The following PRUNE2 variants were observed in gnomAD, a reference collection of about 807,000 sequenced individuals.
PRUNE2 encodes prune homolog 2 with BCH domain.
In PRUNE2, 164 loss-of-function variants were observed where a neutral mutation model predicts 252.0. That is an observed-to-expected ratio of 0.65 (90% confidence interval 0.57 to 0.74). The LOEUF is 0.74. Ranked by LOEUF, PRUNE2 falls within the 30% of genes least tolerant of loss-of-function variation. PRUNE2 has a pLI of 0.00. For missense variants in PRUNE2, 3,495 were observed against 3,711.0 expected, an observed-to-expected ratio of 0.94 and a Z score of 1.51; for synonymous variants, 1,292 against 1,350.2, an observed-to-expected ratio of 0.96 and a Z score of 0.94.
intron 3 of PRUNE2, among the ~76,000 whole-genome samples, chr9:76,847,330 A>G (rs1001422613): frequency 3.7e-5 from 5 of 136,286 alleles, no homozygotes; most frequent in Middle Eastern, 3.9e-3. Flanking sequence ...TGTCTCAGGG[A>G]AAAAAAAAAA....
At position 76,644,859 on chromosome 9, in the gene PRUNE2, A is replaced by T; in HGVS notation, c.8608T>A (p.Tyr2870Asn). 6.2e-7 allele frequency: 1 copy of T among 1,613,826 alleles called. No individual in the cohort carries two copies. Among genetic ancestry groups the T allele is most frequent in the African/African-American group, 1.3e-5 (1 of 74,996 alleles). ...TCCTCCCGTTCCTCTTCGGCCGTATATTCTGGAATAGACTCTGACTCTTGG... is the reference window on the plus strand; with the variant it reads ...TCCTCCCGTTCCTCTTCGGCCGTATTTTCTGGAATAGACTCTGACTCTTGG... ...SGQESESIPE[Y>N]TAEEEREDNR... Residue 2870 changes from tyrosine to asparagine, a missense_variant, in exon 12 of 19, where the codon TAT (tyrosine) becomes AAT (asparagine). Coordinates refer to ENST00000376718, the MANE Select transcript of PRUNE2 (RefSeq NM_015225.3).
chr9:76,652,578 G>A lies in PRUNE2; in HGVS notation c.8462C>T (p.Ser2821Phe), dbSNP rs1206898432. The change falls in exon 11 of 19, where the codon TCT becomes TTT. Residue 2821 changes from serine to phenylalanine, a missense_variant. Transcript: ENST00000376718. ...ATCTGGACTGTCCAAGTTATCATCA[G>A]AGAGAATAGATCCTTCACTTTGGTC... ...SLDQSEGSIL[S>F]DDNLDSPDEI... The A allele has an allele frequency of 6.2e-7, 1 of 1,612,716 alleles. No individual in the cohort carries two copies. The highest frequency in any genetic ancestry group is 1.1e-5 in the South Asian group (1 of 91,052).
intron 14 of PRUNE2, 43 bp downstream of exon 14, chr9:76,637,375 T>A (rs1564401950): frequency 6.2e-7 from 1 of 1,604,936 alleles, no homozygotes; most frequent in Middle Eastern, 1.7e-4. Flanking sequence ...AGTCTTCAGT[T>A]TACCAAAATC....
At chr9:76,722,739 T>C (rs770783081) in intron 6 of PRUNE2, among the ~76,000 whole-genome samples, 3 of 152,198 alleles carry the variant, frequency 2.0e-5, no homozygotes, top group Non-Finnish European at 4.4e-5. Flanking sequence ...CTGTTTTGCA[T>C]TGAGAAAATG....
rs867246253 is a variant in PRUNE2 at position 76,652,386 on chromosome 9, C to T, written c.8557+97G>A. On this transcript the variant is annotated intron_variant, in intron 11 of 18. Transcript: ENST00000376718. Reference sequence around the variant, plus strand: ...AATAAAAACAGAAGCTTCTAGAAATCACAAAAAGGATCCACTGGCACAAAA... The same window carrying T: ...AATAAAAACAGAAGCTTCTAGAAATTACAAAAAGGATCCACTGGCACAAAA... The T allele has an allele frequency of 3.8e-5, 31 of 820,860 alleles. 2 individuals carry two copies. The Middle Eastern group carries it at 7.0e-4, about 19-fold the overall frequency. The allele number at this position is 820,860 out of a possible 1,614,324, so 50.8% of individuals were successfully genotyped here.
At chr9:76,624,682 C>T (rs1833906095) in intron 16 of PRUNE2, among the ~76,000 whole-genome samples, 192 bp from the exon 17 acceptor site, 1 of 152,200 alleles carries the variant, frequency 6.6e-6, no homozygotes, top group African/African-American at 2.4e-5. Context: ...TGTTTATGTA[C>T]ATTTACTTTG....
At chr9:76,815,755 C>T (rs1233459962) in intron 6 of PRUNE2, among the ~76,000 whole-genome samples, 1 of 152,046 alleles carries the variant, frequency 6.6e-6, no homozygotes, top group Non-Finnish European at 1.5e-5. Flanking sequence ...CTAGATAGAC[C>T]AAGTTTTGTG....
chr9:76,741,926 T>C (rs900702180), intron 6 of PRUNE2, among the ~76,000 whole-genome samples: 4 of 152,244 alleles, frequency 2.6e-5, no homozygotes, highest in African/African-American at 9.6e-5. Flanking sequence ...ACAACATATA[T>C]GACAGGTTGG....
intron 1 of PRUNE2, among the ~76,000 whole-genome samples, chr9:76,863,857 G>A (rs1164298000): frequency 1.3e-5 from 2 of 152,184 alleles, no homozygotes; most frequent in Admixed American, 1.3e-4. Flanking sequence ...ATGTAAATTA[G>A]TTCAGCCACT....
intron 3 of PRUNE2, among the ~76,000 whole-genome samples, chr9:76,848,755 C>T (rs373002455): frequency 6.6e-6 from 1 of 152,208 alleles, no homozygotes; most frequent in South Asian, 2.1e-4. Flanking sequence ...GAGAATTTGT[C>T]TTATTCCTCC....
chr9:76,854,082 G>T, intron 2 of PRUNE2, 22 bp downstream of exon 2: 1 of 1,181,080 alleles, frequency 8.5e-7, no homozygotes, highest in Non-Finnish European at 1.3e-6. Flanking sequence ...AATATAAGGA[G>T]TATTACCCTT....
chr9:76,857,688 G>A (rs2060332227), intron 1 of PRUNE2, among the ~76,000 whole-genome samples: 1 of 152,114 alleles, frequency 6.6e-6, no homozygotes, highest in African/African-American at 2.4e-5. Context: ...CTTCAAATTG[G>A]AATTAAGAAC....
At position 76,709,261 on chromosome 9, in the gene PRUNE2, C is replaced by T; in HGVS notation, c.3013G>A (p.Ala1005Thr). The T allele has an allele frequency of 6.2e-7, 1 of 1,613,786 alleles. No individual in the cohort carries two copies. The highest frequency in any genetic ancestry group is 8.5e-7 in the Non-Finnish European group (1 of 1,179,808). ...GFESKDGNST[A>T]EETDIPPQSL... ...TGAGGAGGAATGTCAGTCTCCTCTG[C>T]CGTGGAGTTACCATCTTTTGACTCA... The change falls in exon 8 of 19, where the codon GCA becomes ACA. Residue 1005 changes from alanine (A) to threonine (T), a missense_variant. Ala to Thr is a moderately conservative substitution (Grantham distance 58). Coordinates refer to ENST00000376718, the MANE Select transcript of PRUNE2 (RefSeq NM_015225.3).
At chr9:76,884,270 T>C (rs773204877) in intron 1 of PRUNE2, among the ~76,000 whole-genome samples, 1 of 152,134 alleles carries the variant, frequency 6.6e-6, no homozygotes. Flanking sequence ...ATTTACAACA[T>C]AATCGGGTGG....
At chr9:76,870,737 G>A (rs1179145199) in intron 1 of PRUNE2, among the ~76,000 whole-genome samples, 1 of 151,712 alleles carries the variant, frequency 6.6e-6, no homozygotes, top group Non-Finnish European at 1.5e-5. Flanking sequence ...TGTGGTGGTA[G>A]GGGATGTTGA....
intron 6 of PRUNE2, among the ~76,000 whole-genome samples, chr9:76,747,995 A>T (rs567729457): frequency 1.3e-5 from 2 of 152,022 alleles, no homozygotes; most frequent in African/African-American, 4.8e-5. Context: ...ACGGGGTTTC[A>T]CCATCTTGGC....
At chr9:76,805,130 C>A (rs531436095) in intron 6 of PRUNE2, among the ~76,000 whole-genome samples, 2 of 152,192 alleles carry the variant, frequency 1.3e-5, no homozygotes, top group Non-Finnish European at 2.9e-5. Flanking sequence ...ACATAAGAAG[C>A]CTGGGATGAA....
chr9:76,703,978 T>G lies in PRUNE2; in HGVS notation c.7635A>C (p.Ala2545=), dbSNP rs763841624. The change falls in exon 9 of 19, where the codon GCA becomes GCC. Residue 2545 remains alanine (A), a synonymous_variant. Transcript: ENST00000376718. The part of the protein sequence containing the change: ...RCTEKNEDRH[A]LHMDYILVNR... Reference sequence around the variant, plus strand: ...TTACAAGTATGTAATCCATGTGTAGTGCATGACGATCTTCATTCTTCTCTG... The same window carrying G: ...TTACAAGTATGTAATCCATGTGTAGGGCATGACGATCTTCATTCTTCTCTG... The G allele has an allele frequency of 1.3e-5, 21 of 1,613,974 alleles. No homozygotes were observed. Among genetic ancestry groups the G allele is most frequent in the Non-Finnish European group, 1.7e-5 (20 of 1,179,862 alleles).
Position 76,738,921 on chromosome 9 carries a change from T to C in PRUNE2, c.757-25200A>G, listed in dbSNP as rs1270509733. ...GAGGGATGAAGTCAAAGGTAGCATG[T>C]GTCATAGAGCACATTAACCTTTCAA... On this transcript the variant is annotated intron_variant, in intron 6 of 18. Coordinates refer to ENST00000376718, the MANE Select transcript of PRUNE2 (RefSeq NM_015225.3). 2.0e-5 allele frequency: 3 copies of C among 152,226 alleles called. No individual in the cohort carries two copies. In the East Asian group the frequency reaches 5.8e-4, roughly 29 times the overall value. The allele number at this position is 152,226 out of a possible 1,614,324, so 9.4% of individuals were successfully genotyped here. A position where few individuals can be genotyped will look rare whatever the true frequency, so the allele number is the denominator to read the frequency against.
Sources: gnomAD v4.1 joint callset for allele counts (sites outside exome capture counted in the v4.1 genomes callset) on GRCh38, gnomAD v4.1.1 for gene constraint, MANE v1.5 for transcripts, NCBI Gene and HGNC (gene_info 2026-07-23, HGNC 2026-07-21) for gene names.